METTL24: variants seen among roughly 807,000 people sequenced by gnomAD.
The protein encoded by METTL24 is probable methyltransferase-like protein 24.
METTL24 carries 29 observed loss-of-function variants against 32.7 expected under a neutral mutation model. The ratio of observed to expected loss-of-function variants is 0.89; its 90% CI spans 0.66 to 1.21. The LOEUF (loss-of-function observed/expected upper bound fraction) is 1.21. Among genes scored for constraint, METTL24 ranks in the 50% most tolerant of loss-of-function variants. METTL24 has a pLI of 0.00. For synonymous variants in METTL24, 163 were observed against 179.5 expected, an observed-to-expected ratio of 0.91 and a Z score of 0.73; for missense variants, 439 against 468.1, an observed-to-expected ratio of 0.94 and a Z score of 0.57.
intron 1 of METTL24, among the ~76,000 whole-genome samples, chr6:110,334,352 T>C (rs1016463941): frequency 6.6e-6 from 1 of 152,096 alleles, no homozygotes; most frequent in Non-Finnish European, 1.5e-5. Flanking sequence ...ACATGGACCG[T>C]GGCAGAAATA....
At chr6:110,340,920 C>T (rs770731195) in intron 1 of METTL24, among the ~76,000 whole-genome samples, 3 of 152,120 alleles carry the variant, frequency 2.0e-5, no homozygotes, top group Non-Finnish European at 4.4e-5. Flanking sequence ...ATAACTATAA[C>T]CTAAGAATTC....
At chr6:110,354,751 T>C (rs536404881) in intron 1 of METTL24, among the ~76,000 whole-genome samples, 1 of 152,320 alleles carries the variant, frequency 6.6e-6, no homozygotes, top group African/African-American at 2.4e-5. Flanking sequence ...GATCTTTCTA[T>C]AGTTTTAAGG....
At chr6:110,267,473 TAGTAAA>T (rs1770876923) in intron 4 of METTL24, among the ~76,000 whole-genome samples, 1 of 152,226 alleles carries the variant, frequency 6.6e-6, no homozygotes, top group South Asian at 2.1e-4. Flanking sequence ...AACTTCATCT[TAGTAAA>T]CATGCTTAGA....
chr6:110,342,947 C>T (rs968286621), intron 1 of METTL24, among the ~76,000 whole-genome samples: 1 of 152,156 alleles, frequency 6.6e-6, no homozygotes, highest in Non-Finnish European at 1.5e-5. Context: ...TGTACCCATT[C>T]GTCAGCTGAT....
intron 4 of METTL24, among the ~76,000 whole-genome samples, chr6:110,261,308 G>A (rs1395012541): frequency 6.6e-6 from 1 of 151,992 alleles, no homozygotes; most frequent in Non-Finnish European, 1.5e-5. Flanking sequence ...AAAAGGCAGG[G>A]TTGCAATCCT....
intron 1 of METTL24, among the ~76,000 whole-genome samples, chr6:110,344,369 T>A (rs1402315161): frequency 6.6e-6 from 1 of 152,122 alleles, no homozygotes; most frequent in Non-Finnish European, 1.5e-5. Flanking sequence ...CCTGCAACAG[T>A]CACAGCTAAG....
chr6:110,253,821 C>T, intron 4 of METTL24: 1 of 1,231,296 alleles, frequency 8.1e-7, no homozygotes, highest in Non-Finnish European at 1.1e-6. Context: ...TGCTTTTTAA[C>T]ATAACAGACT....
In METTL24 at chr6:110,322,808, G is replaced by C. The variant is rs775901113; in HGVS notation, c.383C>G (p.Ala128Gly). ...AGSAQSLDEEAWRFLRYISTT... is the reference protein window; with the variant it reads ...AGSAQSLDEEGWRFLRYISTT... The stretch of plus-strand genomic sequence containing the variant: ...GCTGATATATCTCAGGAACCTCCAG[G>C]CTTCTTCATCCAGGGACTGAGCAGA... The change falls in exon 2 of 5, where the codon GCC (alanine) becomes GGC (glycine). Residue 128 changes from alanine (A) to glycine (G), a missense_variant. By Grantham distance (60) the Ala-to-Gly change is moderately conservative. Transcript: ENST00000338882. 4 of 1,613,884 alleles carry C rather than the reference G, an allele frequency of 2.5e-6. No homozygotes were observed. The highest frequency in any genetic ancestry group is 4.5e-5 in the East Asian group (2 of 44,876).
At chr6:110,330,297 A>AGTGG (rs1346779722) in intron 1 of METTL24, among the ~76,000 whole-genome samples, 2 of 152,264 alleles carry the variant, frequency 1.3e-5, no homozygotes, top group East Asian at 3.9e-4. Context: ...GACCCCAGAG[A>AGTGG]GTGGGGTGAA....
chr6:110,332,605 A>G (rs1772128064), intron 1 of METTL24: 1 of 411,798 alleles, frequency 2.4e-6, no homozygotes, highest in South Asian at 1.0e-4. Context: ...TTATGAAAGT[A>G]AGTTTATATA....
At chr6:110,343,391 T>C (rs981116576) in intron 1 of METTL24, among the ~76,000 whole-genome samples, 3 of 152,216 alleles carry the variant, frequency 2.0e-5, no homozygotes, top group Admixed American at 2.0e-4. Flanking sequence ...TAATGAGTGC[T>C]TCCTATGGAC....
rs527611579 is a variant in METTL24, at chr6:110,343,205, A to T, written c.318+14750T>A. 1.7e-3 allele frequency among the ~76,000 whole-genome samples: 259 copies of T among 152,314 alleles called. 1 individual carries two copies. The highest frequency in any genetic ancestry group is 6.1e-3 in the African/African-American group (254 of 41,570). ...CCAAAAGCCAAAGGAGAAAATGAAG[A>T]CAGGAAGAAAGGGAAAAAGGGGTTC... On this transcript the variant is annotated intron_variant, in intron 1 of 4. Transcript: ENST00000338882.
rs76151917 is a variant in METTL24 at position 110,353,231 on chromosome 6, G to C, written c.318+4724C>G. On this transcript the variant is annotated intron_variant, in intron 1 of 4. Transcript: ENST00000338882. ...ACTTTGTTTAAAATGAAAATGCTTT[G>C]CCTCCTAAGGACAGTGTGAGAGGAC... Among the ~76,000 whole-genome samples the C allele has an allele frequency of 8.6e-3, 1,309 of 152,296 alleles. 18 individuals carry two copies. The highest frequency in any genetic ancestry group is 0.03 in the African/African-American group (1,252 of 41,556).
At chr6:110,330,603 T>A (rs947123533) in intron 1 of METTL24, among the ~76,000 whole-genome samples, 2 of 152,106 alleles carry the variant, frequency 1.3e-5, no homozygotes, top group African/African-American at 4.8e-5. Context: ...AGCTAATAGA[T>A]GGACCTCTGG....
At chr6:110,255,413 ACCAGC>A (rs1220407766) in intron 4 of METTL24, among the ~76,000 whole-genome samples, 1 of 152,128 alleles carries the variant, frequency 6.6e-6, no homozygotes, top group African/African-American at 2.4e-5. Context: ...TGAGCTGGTG[ACCAGC>A]CAAGATGTCA....
At chr6:110,353,686 TA>T (rs1582450098) in intron 1 of METTL24, among the ~76,000 whole-genome samples, 1 of 151,710 alleles carries the variant, frequency 6.6e-6, no homozygotes, top group East Asian at 2.0e-4. Flanking sequence ...AAATGTCAAG[TA>T]AAATATATCC....
At chr6:110,317,886 C>G (rs970215315) in intron 2 of METTL24, among the ~76,000 whole-genome samples, 3 of 152,152 alleles carry the variant, frequency 2.0e-5, no homozygotes, top group African/African-American at 7.2e-5. Flanking sequence ...TACCTGAGAA[C>G]ATGCATTTTA....
chr6:110,341,013 C>CTT (rs139881889), intron 1 of METTL24, among the ~76,000 whole-genome samples: 3 of 149,128 alleles, frequency 2.0e-5, no homozygotes, highest in African/African-American at 2.5e-5. Context: ...ATTATTAAAA[C>CTT]TTTTTTTTTT....
At chr6:110,314,339 CT>C (rs138259125) in intron 3 of METTL24, among the ~76,000 whole-genome samples, 4,956 of 152,012 alleles carry the variant, frequency 0.033, 254 homozygotes, top group African/African-American at 0.11. Context: ...CTCCTGTCTT[CT>C]TTTTTTTAAG....
Sources: gnomAD v4.1 joint callset for allele counts (sites outside exome capture counted in the v4.1 genomes callset) on GRCh38, gnomAD v4.1.1 for gene constraint, MANE v1.5 for transcripts, NCBI Gene and HGNC (gene_info 2026-07-23, HGNC 2026-07-21) for gene names.